CTNNA3: variants seen among roughly 807,000 people sequenced by gnomAD.
CTNNA3 encodes catenin alpha-3.
CTNNA3 carries 76 observed loss-of-function variants against 95.7 expected under a neutral mutation model. The observed-to-expected ratio is 0.79, with a 90% CI of 0.66 to 0.96. The LOEUF is 0.96. Ranked by LOEUF, CTNNA3 falls within the 40% of genes least tolerant of loss-of-function variation. The pLI, the probability that CTNNA3 is intolerant of heterozygous loss-of-function variation, is 0.00. For synonymous variants in CTNNA3, 431 were observed against 374.4 expected (o/e 1.15, Z -1.74); for missense variants, 1,191 against 1,089.8 (o/e 1.09, Z -1.31).
chr10:66,692,953 C>T (rs929259248), intron 9 of CTNNA3, among the ~76,000 whole-genome samples: 1 of 152,122 alleles, frequency 6.6e-6, no homozygotes, highest in African/African-American at 2.4e-5. Context: ...AAAAGAGCTC[C>T]TGAAGGAAGC....
At chr10:66,690,572 G>A (rs10822879) in intron 9 of CTNNA3, among the ~76,000 whole-genome samples, 36,926 of 150,932 alleles carry the variant, frequency 0.24, 5,665 homozygotes, top group East Asian at 0.56. Flanking sequence ...GAGAATATGC[G>A]GTGTTTGGTT....
intron 17 of CTNNA3, among the ~76,000 whole-genome samples, chr10:65,930,643 A>C (rs2077238748): frequency 6.6e-6 from 1 of 152,132 alleles, no homozygotes; most frequent in Admixed American, 6.5e-5. Context: ...TGTGATTATA[A>C]TATTGAGTAT....
intron 9 of CTNNA3, among the ~76,000 whole-genome samples, chr10:66,735,833 C>A (rs112985619): frequency 7.2e-4 from 110 of 152,256 alleles, no homozygotes; most frequent in African/African-American, 2.6e-3. Flanking sequence ...TCCTTGGCTC[C>A]ACTGACCTAG....
chr10:67,572,382 C>A (rs995447173), intron 3 of CTNNA3, among the ~76,000 whole-genome samples: 1 of 152,130 alleles, frequency 6.6e-6, no homozygotes, highest in Non-Finnish European at 1.5e-5. Flanking sequence ...CTTAAGGCAA[C>A]AGGTCAGTCT....
intron 11 of CTNNA3, among the ~76,000 whole-genome samples, chr10:66,493,212 C>G (rs1239516127): frequency 6.6e-6 from 1 of 152,146 alleles, no homozygotes; most frequent in Non-Finnish European, 1.5e-5. Flanking sequence ...AACTAATGTT[C>G]TAACCAAAGC....
intron 10 of CTNNA3, among the ~76,000 whole-genome samples, chr10:66,618,523 C>T (rs1844615172): frequency 6.6e-6 from 1 of 152,130 alleles, no homozygotes; most frequent in African/African-American, 2.4e-5. Flanking sequence ...AAAGCTGAAA[C>T]TGGATCCCTT....
chr10:67,609,940 G>A (rs1843405425), intron 2 of CTNNA3, among the ~76,000 whole-genome samples: 2 of 152,082 alleles, frequency 1.3e-5, no homozygotes, highest in African/African-American at 2.4e-5. Flanking sequence ...ATAATAATAA[G>A]CCTGATTTAT....
intron 11 of CTNNA3, among the ~76,000 whole-genome samples, chr10:66,477,328 A>T (rs1157519790): frequency 6.6e-6 from 1 of 152,098 alleles, no homozygotes; most frequent in Non-Finnish European, 1.5e-5. Flanking sequence ...CTTTTATATA[A>T]TATTTCAGAG....
chr10:67,638,318 A>G (rs1194377459), intron 2 of CTNNA3, among the ~76,000 whole-genome samples: 1 of 151,930 alleles, frequency 6.6e-6, no homozygotes, highest in African/African-American at 2.4e-5. Flanking sequence ...AGCTTTCTAA[A>G]TATATATGCA....
chr10:65,983,321 C>T (rs1190387907), intron 16 of CTNNA3, among the ~76,000 whole-genome samples: 3 of 151,580 alleles, frequency 2.0e-5, no homozygotes, highest in Non-Finnish European at 4.4e-5. Context: ...TTAGCAGATG[C>T]TAATTTTATT....
At chr10:67,560,079 G>A (rs1841441473) in intron 3 of CTNNA3, among the ~76,000 whole-genome samples, 1 of 152,104 alleles carries the variant, frequency 6.6e-6, no homozygotes, top group African/African-American at 2.4e-5. Context: ...TATTATCCAG[G>A]AGAACTTCCC....
intron 17 of CTNNA3, among the ~76,000 whole-genome samples, chr10:65,945,032 T>G (rs187319468): frequency 6.6e-6 from 1 of 152,252 alleles, no homozygotes; most frequent in Non-Finnish European, 1.5e-5. Context: ...ATTCTAATAT[T>G]ATTATATTTA....
At chr10:67,210,556 GTCCATCA>G (rs1025507154) in intron 6 of CTNNA3, among the ~76,000 whole-genome samples, 53 of 152,146 alleles carry the variant, frequency 3.5e-4, no homozygotes, top group African/African-American at 1.2e-3. Flanking sequence ...TAATTAACAT[GTCCATCA>G]TCCCACATAC....
At chr10:67,521,442 T>C (rs1182924087) in intron 5 of CTNNA3, among the ~76,000 whole-genome samples, 2 of 152,204 alleles carry the variant, frequency 1.3e-5, no homozygotes, top group Non-Finnish European at 2.9e-5. Flanking sequence ...TTTTCCTTAA[T>C]GTTGCATGTA....
At chr10:66,315,604 A>G (rs2092090548) in intron 12 of CTNNA3, among the ~76,000 whole-genome samples, 1 of 151,940 alleles carries the variant, frequency 6.6e-6, no homozygotes, top group Admixed American at 6.6e-5. Context: ...TATTTCTGGT[A>G]TTTCAGATTT....
intron 5 of CTNNA3, among the ~76,000 whole-genome samples, chr10:67,411,077 T>C (rs1038659388): frequency 1.3e-5 from 2 of 152,066 alleles, no homozygotes; most frequent in African/African-American, 4.8e-5. Context: ...AGAAAAATGC[T>C]GGTGAAAGGA....
chr10:65,919,544 G>A lies in CTNNA3; in HGVS notation c.*786C>T, dbSNP rs115049783. 1.7e-3 allele frequency: 260 copies of A among 152,198 alleles called. No individual in the cohort carries two copies. The highest frequency in any genetic ancestry group is 6.0e-3 in the African/African-American group (249 of 41,528). 9.4% of individuals were successfully genotyped at this position (152,198 alleles called of 1,614,324 possible). The stretch of plus-strand genomic sequence containing the variant: ...GTTTGTTGTCTCATTTTCCCAATGG[G>A]TGATAACTCTTCTTTCACATATGTA... On this transcript the variant is annotated 3_prime_UTR_variant, in exon 18 of 18. Coordinates refer to ENST00000433211, the MANE Select transcript of CTNNA3 (RefSeq NM_013266.4).
At chr10:66,772,847 G>A (rs931929216) in intron 8 of CTNNA3, among the ~76,000 whole-genome samples, 2 of 152,104 alleles carry the variant, frequency 1.3e-5, no homozygotes, top group Admixed American at 6.6e-5. Context: ...AGGATGAATG[G>A]GCAGGAAGAT....
At chr10:66,341,540 T>C (rs1415120723) in intron 12 of CTNNA3, among the ~76,000 whole-genome samples, 1 of 151,994 alleles carries the variant, frequency 6.6e-6, no homozygotes, top group Non-Finnish European at 1.5e-5. Flanking sequence ...AATGTGAGGC[T>C]CATCAGTAGT....
Sources: allele counts gnomAD v4.1 joint callset (sites outside exome capture counted in the v4.1 genomes callset), GRCh38; gene constraint gnomAD v4.1.1; transcripts MANE v1.5; gene names NCBI Gene and HGNC (gene_info 2026-07-23, HGNC 2026-07-21).